The following COL24A1 variants were observed in gnomAD, a reference collection of about 807,000 sequenced individuals.
COL24A1 encodes collagen alpha-1(XXIV) chain.
Under a neutral mutation model 253.9 loss-of-function variants are expected in COL24A1, and 224 were observed. The observed-to-expected ratio is 0.88, with a 90% CI of 0.79 to 0.99. COL24A1 has a LOEUF of 0.99. COL24A1 is among the 50% of genes least tolerant of loss of function. The pLI is 0.00. For missense variants in COL24A1, 2,131 were observed against 2,068.5 expected (o/e 1.03, Z -0.59); for synonymous variants, 685 against 673.7 (o/e 1.02, Z -0.26).
In COL24A1 at chr1:86,008,018, C is replaced by T. The variant is rs183410052; in HGVS notation, c.2310+9133G>A. On this transcript the variant is annotated intron_variant, in intron 19 of 59. Transcript: ENST00000370571. ...AGGTTCATCAATTGTAACAAATGTG[C>T]CACTCTTGTAGAGGATAATAGGATC... is the stretch of plus-strand genomic sequence containing the variant. Among the ~76,000 whole-genome samples, 8 of 152,124 alleles carry T rather than the reference C, an allele frequency of 5.3e-5. No homozygotes were observed. In the East Asian group the frequency reaches 1.4e-3, roughly 26 times the overall value.
chr1:85,774,656 C>T (rs911110251), intron 53 of COL24A1, among the ~76,000 whole-genome samples: 24 of 152,164 alleles, frequency 1.6e-4, no homozygotes, highest in African/African-American at 5.8e-4. Context: ...AGTTTATTTG[C>T]ATAGAGGTGC....
chr1:85,884,819 CT>C (rs1434211997), intron 32 of COL24A1, among the ~76,000 whole-genome samples: 1 of 152,144 alleles, frequency 6.6e-6, no homozygotes, highest in Non-Finnish European at 1.5e-5. Context: ...ATCCCTCTCC[CT>C]CTGCTGGAAG....
At chr1:85,808,759 C>T (rs1286948117) in intron 47 of COL24A1, among the ~76,000 whole-genome samples, 2 of 152,158 alleles carry the variant, frequency 1.3e-5, no homozygotes, top group Non-Finnish European at 2.9e-5. Flanking sequence ...GCCCGTTGCA[C>T]AGACAAAAAT....
intron 24 of COL24A1, among the ~76,000 whole-genome samples, chr1:85,941,453 C>G (rs568125973): frequency 6.6e-6 from 1 of 152,128 alleles, no homozygotes; most frequent in Non-Finnish European, 1.5e-5. Flanking sequence ...GTCTTTGAAC[C>G]AATTTGGGTT....
chr1:85,920,483 G>C (rs1686342383), intron 24 of COL24A1, among the ~76,000 whole-genome samples: 1 of 152,218 alleles, frequency 6.6e-6, no homozygotes, highest in African/African-American at 2.4e-5. Context: ...TACCAAGTGA[G>C]AAATTTGTGT....
At chr1:86,149,423 T>A (rs542126795) in intron 1 of COL24A1, among the ~76,000 whole-genome samples, 15 of 152,296 alleles carry the variant, frequency 9.8e-5, no homozygotes, top group African/African-American at 3.6e-4. Flanking sequence ...CCTTTCAAAT[T>A]TATGTTTCAA....
intron 5 of COL24A1, among the ~76,000 whole-genome samples, chr1:86,110,338 T>C (rs781116243): frequency 7.7e-4 from 114 of 147,222 alleles, no homozygotes; most frequent in Non-Finnish European, 1.3e-3. Context: ...TATTCTTCCA[T>C]ACGTTTTCCT....
intron 7 of COL24A1, among the ~76,000 whole-genome samples, 186 bp from the exon 8 acceptor site, chr1:86,063,945 A>T (rs917692846): frequency 5.9e-5 from 9 of 151,780 alleles, no homozygotes; most frequent in African/African-American, 2.2e-4. Context: ...CTTTTTTATT[A>T]AATAAAAAAT....
chr1:86,013,492 A>G (rs1405277204), intron 19 of COL24A1, among the ~76,000 whole-genome samples: 4 of 152,230 alleles, frequency 2.6e-5, no homozygotes, highest in East Asian at 1.9e-4. Flanking sequence ...AACAAAATGT[A>G]CAGAGCTTTG....
At position 85,766,020 on chromosome 1, in the gene COL24A1, C is replaced by T. The variant is rs534505182; in HGVS notation, c.4375-4454G>A. Among the ~76,000 whole-genome samples, 547 of 152,164 alleles carry T rather than the reference C, an allele frequency of 3.6e-3. 3 individuals are homozygous for T. Among genetic ancestry groups the T allele is most frequent in the African/African-American group, 0.013 (520 of 41,530 alleles). On this transcript the variant is annotated intron_variant, in intron 53 of 59. Coordinates refer to ENST00000370571, the MANE Select transcript of COL24A1 (RefSeq NM_152890.7). ...AAGAGTAGAGAATTCTACATGTTAT[C>T]TGCTAGGTTTCCTTAGGATGCCATA...
chr1:85,838,601 C>T lies in COL24A1; in HGVS notation c.3665G>A (p.Gly1222Glu). ...TGCAATTACCTTATATCCCTCTGCTCCAGGCTCTCCTCTCTCTCCTTGGTC... is the reference window on the plus strand; with the variant it reads ...TGCAATTACCTTATATCCCTCTGCTTCAGGCTCTCCTCTCTCTCCTTGGTC... ...VGDQGERGEP[G>E]AEGYKGHVGV... Residue 1222 changes from glycine to glutamate, a missense_variant, in exon 43 of 60, where the codon GGA becomes GAA. Gly to Glu is a moderately conservative substitution (Grantham distance 98). Coordinates refer to ENST00000370571, the MANE Select transcript of COL24A1 (RefSeq NM_152890.7). The T allele has an allele frequency of 6.2e-7, 1 of 1,613,864 alleles. No individual in the cohort carries two copies. The highest frequency in any genetic ancestry group is 8.5e-7 in the Non-Finnish European group (1 of 1,179,776).
intron 53 of COL24A1, among the ~76,000 whole-genome samples, chr1:85,762,584 C>T (rs1666949222): frequency 6.6e-6 from 1 of 152,108 alleles, no homozygotes; most frequent in Non-Finnish European, 1.5e-5. Flanking sequence ...TTAACATCAT[C>T]CATTCATTTA....
At chr1:86,053,524 C>T (rs1380549296) in intron 10 of COL24A1, among the ~76,000 whole-genome samples, 1 of 151,938 alleles carries the variant, frequency 6.6e-6, no homozygotes, top group East Asian at 1.9e-4. Context: ...CACCATGAAA[C>T]TAGAGTTTAC....
Position 85,804,332 on chromosome 1 carries a change from T to C in COL24A1, c.3951+12456A>G, listed in dbSNP as rs1191821928. Among the ~76,000 whole-genome samples, 7 of 152,202 alleles carry C rather than the reference T, an allele frequency of 4.6e-5. No homozygotes were observed. In the East Asian group the frequency reaches 1.3e-3, roughly 29 times the overall value. On this transcript the variant is annotated intron_variant, in intron 47 of 59. Coordinates refer to ENST00000370571, the MANE Select transcript of COL24A1 (RefSeq NM_152890.7). ...TTTAAATAAATACACACTTGGTTAT[T>C]ATGTTCAGCAGAACTGCACAAGAGG...
intron 9 of COL24A1, among the ~76,000 whole-genome samples, chr1:86,058,500 C>T (rs1700825872): frequency 6.6e-6 from 1 of 150,954 alleles, no homozygotes; most frequent in Admixed American, 6.6e-5. Context: ...TTATTTCCCT[C>T]ATTCTTGAGA....
chr1:86,002,806 G>A (rs557267615), intron 19 of COL24A1, among the ~76,000 whole-genome samples: 18 of 152,250 alleles, frequency 1.2e-4, no homozygotes, highest in African/African-American at 4.3e-4. Context: ...GCCCCTCTAA[G>A]GCAAGAGCAA....
chr1:85,909,876 CA>C, intron 26 of COL24A1, 73 bp downstream of exon 26: 1 of 1,190,980 alleles, frequency 8.4e-7, no homozygotes, highest in Non-Finnish European at 1.3e-6. Flanking sequence ...CCAGCCCAGG[CA>C]ATTCCATCTC....
At position 85,868,578 on chromosome 1, in the gene COL24A1, C is replaced by T; in HGVS notation, c.3241G>A (p.Glu1081Lys). 6.2e-7 allele frequency: 1 copy of T among 1,613,940 alleles called. No individual in the cohort carries two copies. The highest frequency in any genetic ancestry group is 8.5e-7 in the Non-Finnish European group (1 of 1,179,888). The change falls in exon 37 of 60, where the codon GAG becomes AAG. Residue 1081 changes from glutamate to lysine, a missense_variant. Coordinates refer to ENST00000370571, the MANE Select transcript of COL24A1 (RefSeq NM_152890.7). ...GLPGEDGEKGEMGLPGIIGPL... is the reference protein window; with the variant it reads ...GLPGEDGEKGKMGLPGIIGPL... ...CCTATAATTCCTGGTAAGCCCATCT[C>T]TCCTTTTTCTCCATCCTCTCCAGGA...
intron 3 of COL24A1, among the ~76,000 whole-genome samples, chr1:86,122,386 G>T (rs1279444721): frequency 6.6e-6 from 1 of 151,718 alleles, no homozygotes; most frequent in Non-Finnish European, 1.5e-5. Context: ...TTTGACTGGT[G>T]ACCCTATGCC....
Sources: allele counts gnomAD v4.1 joint callset (sites outside exome capture counted in the v4.1 genomes callset), GRCh38; gene constraint gnomAD v4.1.1; transcripts MANE v1.5; gene names NCBI Gene and HGNC (gene_info 2026-07-23, HGNC 2026-07-21).